The following AP2A2 variants were observed in gnomAD, a reference collection of about 807,000 sequenced individuals.
The protein encoded by AP2A2 is adaptor related protein complex 2 subunit alpha 2.
Under a neutral mutation model 104.2 loss-of-function variants are expected in AP2A2, and 32 were observed. The observed-to-expected ratio is 0.31, with a 90% CI of 0.23 to 0.41. AP2A2 has a LOEUF of 0.41. Among genes scored for constraint, AP2A2 ranks in the 10% least tolerant of loss-of-function variants. The pLI, the probability that AP2A2 is intolerant of heterozygous loss-of-function variation, is 1.00. For missense variants in AP2A2, 912 were observed against 1,261.0 expected, an observed-to-expected ratio of 0.72 and a Z score of 4.19; for synonymous variants, 539 against 533.3, an observed-to-expected ratio of 1.01 and a Z score of -0.15.
intron 10 of AP2A2, among the ~76,000 whole-genome samples, chr11:991,213 C>T (rs1855643629): frequency 6.6e-6 from 1 of 152,278 alleles, no homozygotes; most frequent in South Asian, 2.1e-4. Context: ...GGCGTGTTCT[C>T]TGGCTGTGCT....
intron 15 of AP2A2, 57 bp from the exon 16 acceptor site, chr11:1,003,665 C>T: frequency 8.3e-7 from 1 of 1,200,834 alleles, no homozygotes; most frequent in South Asian, 1.5e-5. Flanking sequence ...CAGAACAAAC[C>T]CTTGTGTTTT....
chr11:1,000,166 G>C (rs1855984479), intron 14 of AP2A2, among the ~76,000 whole-genome samples: 1 of 152,084 alleles, frequency 6.6e-6, no homozygotes, highest in South Asian at 2.1e-4. Flanking sequence ...AATAGCATTT[G>C]TGAAAAAATG....
intron 14 of AP2A2, among the ~76,000 whole-genome samples, chr11:998,100 C>T (rs564826077): frequency 5.3e-5 from 8 of 152,338 alleles, no homozygotes; most frequent in South Asian, 2.1e-4. Context: ...TGTTGGCGGG[C>T]GCTGTCCCCG....
intron 4 of AP2A2, among the ~76,000 whole-genome samples, chr11:974,801 A>G (rs997525606): frequency 6.6e-6 from 1 of 151,846 alleles, no homozygotes; most frequent in Admixed American, 6.6e-5. Flanking sequence ...CCTGGCCAAC[A>G]TGGTGAAACC....
rs748969047 is a variant in AP2A2 at position 970,401 on chromosome 11, C to G, written c.279+90C>G. 26 of 1,527,042 alleles carry G rather than the reference C, an allele frequency of 1.7e-5. No homozygotes were observed. In the Middle Eastern group the frequency reaches 7.2e-4, roughly 43 times the overall value. The allele number at this position is 1,527,042 out of a possible 1,614,324, so 94.6% of individuals were successfully genotyped here. On this transcript the variant is annotated intron_variant, in intron 3 of 21. Coordinates refer to ENST00000448903, the MANE Select transcript of AP2A2 (RefSeq NM_012305.4). ...GCCCGTGTAGGGCCGCTGCTTCCTTCTCTGCCCACAGCTGACGTGAGCCAC... is the reference window on the plus strand; with the variant it reads ...GCCCGTGTAGGGCCGCTGCTTCCTTGTCTGCCCACAGCTGACGTGAGCCAC...
intron 2 of AP2A2, among the ~76,000 whole-genome samples, chr11:963,295 G>C (rs774491038): frequency 6.6e-6 from 1 of 151,906 alleles, no homozygotes; most frequent in Non-Finnish European, 1.5e-5. Flanking sequence ...GCATGGTGGC[G>C]GGCACCTGTA....
rs528524508 is a variant in AP2A2 at position 977,698 on chromosome 11, T to C, written c.603+474T>C. ...TGAGAGGCACGTGTGGGGGAGGGGCTGTGCTAGTGTGTGAGCCTCAGGGGC... is the reference window on the plus strand; with the variant it reads ...TGAGAGGCACGTGTGGGGGAGGGGCCGTGCTAGTGTGTGAGCCTCAGGGGC... On this transcript the variant is annotated intron_variant, in intron 5 of 21. Coordinates refer to ENST00000448903, the MANE Select transcript of AP2A2 (RefSeq NM_012305.4). 2.0e-5 allele frequency among the ~76,000 whole-genome samples: 3 copies of C among 151,796 alleles called. No homozygotes were observed. The South Asian group carries it at 6.3e-4, about 32-fold the overall frequency.
At chr11:970,787 G>T (rs1854796749) in intron 3 of AP2A2, among the ~76,000 whole-genome samples, 1 of 152,238 alleles carries the variant, frequency 6.6e-6, no homozygotes, top group South Asian at 2.1e-4. Context: ...CCGTCCCGTG[G>T]TCCCTTGGAC....
intron 5 of AP2A2, among the ~76,000 whole-genome samples, chr11:978,633 G>A (rs1460594742): frequency 2.0e-5 from 3 of 152,178 alleles, no homozygotes; most frequent in African/African-American, 7.2e-5. Context: ...CCCAGCTTGC[G>A]CACCTGCACC....
At chr11:1,000,356 C>T (rs770451819) in intron 14 of AP2A2, 76 bp from the exon 15 acceptor site, 249 of 1,432,974 alleles carry the variant, frequency 1.7e-4, no homozygotes, top group Non-Finnish European at 2.2e-4. Flanking sequence ...TGGGGGAGGA[C>T]GTGCAGGCGT....
chr11:1,009,617 G>A (rs1172648325), intron 20 of AP2A2, 66 bp from the exon 21 acceptor site: 3 of 1,186,756 alleles, frequency 2.5e-6, no homozygotes, highest in East Asian at 2.6e-5. Context: ...CTGGAGGGGC[G>A]GCCCCGGGGG....
At position 993,673 on chromosome 11, in the gene AP2A2, C is replaced by T; in HGVS notation, c.1551-81C>T. ...CTCTGGTGCAGGCCAGGGGGTCTCG[C>T]CGCCGTCCCCCCCCCGCGGGGGCGT... On this transcript the variant is annotated intron_variant, in intron 12 of 21. Transcript: ENST00000448903. The surrounding 1 kb of genome is among the most constrained non-coding windows in gnomAD (Gnocchi z 8.2). 10 of 1,146,678 alleles carry T rather than the reference C, an allele frequency of 8.7e-6. 1 individual carries two copies. In the South Asian group the frequency reaches 1.5e-4, roughly 17 times the overall value. 71.0% of individuals were successfully genotyped at this position (1,146,678 alleles called of 1,614,324 possible).
At chr11:986,700 TG>T in intron 8 of AP2A2, 84 bp from the exon 9 acceptor site, 1 of 1,490,876 alleles carries the variant, frequency 6.7e-7, no homozygotes, top group African/African-American at 1.4e-5. Context: ...GTCTGCCATC[TG>T]GACCCGTCGG....
chr11:941,855 G>A (rs1853658442), intron 1 of AP2A2, among the ~76,000 whole-genome samples: 2 of 152,088 alleles, frequency 1.3e-5, no homozygotes, highest in Non-Finnish European at 2.9e-5. Context: ...CCAAAGTGGT[G>A]GGATTACAAG....
intron 4 of AP2A2, among the ~76,000 whole-genome samples, chr11:974,835 AT>A (rs1854966146): frequency 6.6e-6 from 1 of 150,970 alleles, no homozygotes; most frequent in South Asian, 2.1e-4. Flanking sequence ...AACCAGAAAA[AT>A]TAGCTGGGCA....
At chr11:935,301 C>G (rs2134461999) in intron 1 of AP2A2, among the ~76,000 whole-genome samples, 1 of 152,290 alleles carries the variant, frequency 6.6e-6, no homozygotes, top group South Asian at 2.1e-4. Context: ...TTGTGATCCG[C>G]TAGCCTCGGC....
At chr11:939,605 G>A (rs921573796) in intron 1 of AP2A2, among the ~76,000 whole-genome samples, 7 of 151,850 alleles carry the variant, frequency 4.6e-5, no homozygotes, top group Admixed American at 1.3e-4. Flanking sequence ...CCACACTCCC[G>A]GCTAATTTTT....
At chr11:979,945 T>A (rs1855185431) in intron 5 of AP2A2, among the ~76,000 whole-genome samples, 1 of 152,276 alleles carries the variant, frequency 6.6e-6, no homozygotes, top group Non-Finnish European at 1.5e-5. Flanking sequence ...TAAAAAAATT[T>A]ATGGGAGAAT....
chr11:988,013 G>A (rs1481811338), intron 9 of AP2A2, among the ~76,000 whole-genome samples: 1 of 152,284 alleles, frequency 6.6e-6, no homozygotes, highest in Admixed American at 6.5e-5. Flanking sequence ...ATTGTCAGAA[G>A]GGCTGGACAC....
Sources: allele counts gnomAD v4.1 joint callset (sites outside exome capture counted in the v4.1 genomes callset), GRCh38; gene constraint gnomAD v4.1.1; non-coding constraint Gnocchi (gnomAD v3.1); transcripts MANE v1.5; gene names NCBI Gene and HGNC (gene_info 2026-07-23, HGNC 2026-07-21).